Variants in ZNF124 observed in about 807,000 individuals in gnomAD.
ZNF124 encodes zinc finger protein 124.
In ZNF124, 25 loss-of-function variants were observed where a neutral mutation model predicts 26.6. That is an observed-to-expected ratio of 0.94 (90% confidence interval 0.68 to 1.31). The LOEUF (loss-of-function observed/expected upper bound fraction) is 1.31, where lower values mean the gene tolerates loss of function less well. ZNF124 is among the 40% of genes most tolerant of loss of function. The pLI is 0.00. For missense variants in ZNF124, 444 were observed against 422.2 expected, an observed-to-expected ratio of 1.05 and a Z score of -0.45; for synonymous variants, 129 against 133.3, an observed-to-expected ratio of 0.97 and a Z score of 0.22.
At chr1:247,161,142 A>G (rs1165381334) in intron 1 of ZNF124, among the ~76,000 whole-genome samples, 1 of 152,240 alleles carries the variant, frequency 6.6e-6, no homozygotes, top group Non-Finnish European at 1.5e-5. Flanking sequence ...AGTCTTCTGA[A>G]TAACAGTGTG....
exon 4 of ZNF124, chr1:247,122,276 C>T (rs1339259227): frequency 2.0e-5 from 3 of 152,110 alleles, no homozygotes. Flanking sequence ...ACACTTAATA[C>T]CTAATCGTTT....
At chr1:247,148,865 GA>G (rs1330465024) in intron 3 of ZNF124, among the ~76,000 whole-genome samples, 1 of 152,116 alleles carries the variant, frequency 6.6e-6, no homozygotes, top group African/African-American at 2.4e-5. Context: ...AGCTACTCTG[GA>G]GGCTGAGGCA....
chr1:247,124,006 T>G, intron 3 of ZNF124: 4 of 674,350 alleles, frequency 5.9e-6, no homozygotes, highest in South Asian at 3.1e-5. Context: ...TTTTTTGTAT[T>G]TTTAGTAGAG....
chr1:247,157,827 C>A (rs1215895158), intron 3 of ZNF124, among the ~76,000 whole-genome samples: 1 of 152,008 alleles, frequency 6.6e-6, no homozygotes, highest in East Asian at 1.9e-4. Context: ...GAAATTTGAT[C>A]CTCATGTTGG....
At chr1:247,167,038 G>A (rs147091781) in intron 1 of ZNF124, among the ~76,000 whole-genome samples, 304 of 152,228 alleles carry the variant, frequency 2.0e-3, no homozygotes, top group Non-Finnish European at 3.2e-3. Context: ...CTGAAATATC[G>A]TAGCTATTGC....
chr1:247,127,728 G>T (rs202092855), intron 3 of ZNF124, among the ~76,000 whole-genome samples: 5 of 148,922 alleles, frequency 3.4e-5, no homozygotes, highest in Non-Finnish European at 6.0e-5. Flanking sequence ...TTGCTCAATC[G>T]ATCACGACCC....
At chr1:247,166,939 C>T (rs775403628) in intron 1 of ZNF124, among the ~76,000 whole-genome samples, 1 of 152,180 alleles carries the variant, frequency 6.6e-6, no homozygotes, top group Non-Finnish European at 1.5e-5. Flanking sequence ...AAGGATTATA[C>T]ACCAAAACCA....
At chr1:247,159,946 C>T in intron 1 of ZNF124, 133 bp from the exon 2 acceptor site, 3 of 787,670 alleles carry the variant, frequency 3.8e-6, no homozygotes, top group Non-Finnish European at 3.6e-6. Flanking sequence ...AACTATGACT[C>T]TGTCTACACT....
downstream of ZNF124, among the ~76,000 whole-genome samples, chr1:247,150,909 A>G (rs1672915256): frequency 6.6e-6 from 1 of 151,950 alleles, no homozygotes; most frequent in African/African-American, 2.4e-5. Context: ...TTTTATTAAA[A>G]TTAAGAGCTT....
In ZNF124 at chr1:247,156,198, C is replaced by T. The variant is rs897140464; in HGVS notation, c.*368G>A. The T allele has an allele frequency of 2.9e-5, 29 of 999,832 alleles. No individual in the cohort carries two copies. The highest frequency in any genetic ancestry group is 3.5e-5 in the Non-Finnish European group (29 of 840,492). The allele number at this position is 999,832 out of a possible 1,614,324, so 61.9% of individuals were successfully genotyped here. Reference sequence around the variant, plus strand: ...AAGGTCAATCTGGAGTATGTGTTACCATGTGTCTCTGAGTGAGTTATAGGA... The same window carrying T: ...AAGGTCAATCTGGAGTATGTGTTACTATGTGTCTCTGAGTGAGTTATAGGA... On this transcript the variant is annotated 3_prime_UTR_variant, in exon 4 of 4. Transcript: ENST00000543802.
chr1:247,153,769 G>C (rs377301106), downstream of ZNF124, among the ~76,000 whole-genome samples: 17 of 152,160 alleles, frequency 1.1e-4, no homozygotes, highest in African/African-American at 3.9e-4. Context: ...AGGTCATTTT[G>C]TCTAAGTTCA....
intron 3 of ZNF124, among the ~76,000 whole-genome samples, chr1:247,125,375 C>T (rs1672183686): frequency 6.7e-6 from 1 of 150,034 alleles, no homozygotes; most frequent in South Asian, 2.1e-4. Context: ...GCAATCCCAC[C>T]AGCAGGGTGT....
intron 1 of ZNF124, among the ~76,000 whole-genome samples, chr1:247,164,948 C>T (rs2103132785): frequency 6.6e-6 from 1 of 152,014 alleles, no homozygotes; most frequent in South Asian, 2.1e-4. Flanking sequence ...GAAATAATGC[C>T]ACACACCTAC....
At chr1:247,139,715 C>T (rs552983368) in intron 3 of ZNF124, among the ~76,000 whole-genome samples, 89 of 152,250 alleles carry the variant, frequency 5.8e-4, no homozygotes, top group African/African-American at 2.0e-3. Context: ...TCAGCATTTG[C>T]TTGTCTGAAA....
At chr1:247,151,304 C>T (rs527775509), downstream of ZNF124, among the ~76,000 whole-genome samples, 4 of 152,112 alleles carry the variant, frequency 2.6e-5, no homozygotes, top group East Asian at 3.9e-4. Flanking sequence ...ATGGTGAAAC[C>T]CCATCTCTAC....
chr1:247,161,783 C>T (rs1410704789), intron 1 of ZNF124, among the ~76,000 whole-genome samples: 2 of 151,910 alleles, frequency 1.3e-5, no homozygotes, highest in Admixed American at 1.3e-4. Flanking sequence ...AATAATAGTC[C>T]ACATTCTTTA....
chr1:247,129,931 C>G (rs112450311), intron 3 of ZNF124, among the ~76,000 whole-genome samples: 899 of 43,106 alleles, frequency 0.021, 19 homozygotes, highest in Middle Eastern at 0.047. Flanking sequence ...GTACTTCCCC[C>G]AGCAGGATGG....
At chr1:247,125,926 GA>G (rs1465510774) in intron 3 of ZNF124, among the ~76,000 whole-genome samples, 1 of 151,920 alleles carries the variant, frequency 6.6e-6, no homozygotes, top group African/African-American at 2.4e-5. Flanking sequence ...TTTCACTGGG[GA>G]AAAAAAGTAA....
At chr1:247,146,765 G>A (rs911110930) in intron 3 of ZNF124, among the ~76,000 whole-genome samples, 1 of 152,172 alleles carries the variant, frequency 6.6e-6, no homozygotes, top group Non-Finnish European at 1.5e-5. Flanking sequence ...CCAATACATT[G>A]AGTTGTCACT....
Sources: allele counts gnomAD v4.1 joint callset (sites outside exome capture counted in the v4.1 genomes callset), GRCh38; gene constraint gnomAD v4.1.1; transcripts MANE v1.5; gene names NCBI Gene and HGNC (gene_info 2026-07-23, HGNC 2026-07-21).